Variants in MEGF11 observed in about 807,000 individuals in gnomAD.
The protein encoded by MEGF11 is multiple epidermal growth factor-like domains protein 11.
A neutral mutation model predicts 146.6 loss-of-function variants in MEGF11; 126 were observed. The ratio of observed to expected loss-of-function variants is 0.86; its 90% confidence interval spans 0.74 to 1.00. The LOEUF is 1.00. Among genes scored for constraint, MEGF11 ranks in the 50% least tolerant of loss-of-function variants. The pLI is 0.00. For synonymous variants in MEGF11, 532 were observed against 583.4 expected (o/e 0.91, Z 1.27); for missense variants, 1,509 against 1,521.2 (o/e 0.99, Z 0.13).
At chr15:65,951,781 T>C (rs970911949) in intron 10 of MEGF11, among the ~76,000 whole-genome samples, 6 of 151,560 alleles carry the variant, frequency 4.0e-5, no homozygotes, top group Admixed American at 2.0e-4. Context: ...AGAGGATTGC[T>C]TGGGGCCAGG....
intron 10 of MEGF11, among the ~76,000 whole-genome samples, chr15:65,946,766 T>A (rs980535397): frequency 6.6e-6 from 1 of 152,174 alleles, no homozygotes; most frequent in Non-Finnish European, 1.5e-5. Flanking sequence ...AGTACTGTTT[T>A]GTCACAACCC....
chr15:66,234,018 C>T (rs1205083974), intron 1 of MEGF11, among the ~76,000 whole-genome samples: 1 of 149,776 alleles, frequency 6.7e-6, no homozygotes, highest in East Asian at 2.0e-4. Flanking sequence ...TCACTGCAAC[C>T]TCCACCTCCC....
At chr15:66,048,841 G>T (rs1174576574) in intron 5 of MEGF11, among the ~76,000 whole-genome samples, 3 of 152,142 alleles carry the variant, frequency 2.0e-5, no homozygotes, top group African/African-American at 4.8e-5. Flanking sequence ...GAAATTTCTG[G>T]GGCCCTCTGC....
chr15:66,030,621 G>C (rs1448778847), intron 5 of MEGF11, among the ~76,000 whole-genome samples: 1 of 152,072 alleles, frequency 6.6e-6, no homozygotes, highest in Non-Finnish European at 1.5e-5. Flanking sequence ...TGTTGGCCAG[G>C]CTGGTCTCGA....
At chr15:66,035,991 C>T (rs191107261) in intron 5 of MEGF11, among the ~76,000 whole-genome samples, 14 of 152,364 alleles carry the variant, frequency 9.2e-5, no homozygotes, top group African/African-American at 3.4e-4. Flanking sequence ...CTCAGAGCAC[C>T]CCGCCAGTGG....
intron 4 of MEGF11, among the ~76,000 whole-genome samples, chr15:66,097,679 C>A (rs2086611526): frequency 6.6e-6 from 1 of 151,570 alleles, no homozygotes; most frequent in Non-Finnish European, 1.5e-5. Context: ...ACTCTCACCA[C>A]CCTGCTTCAG....
At chr15:66,088,129 G>T (rs2086184741) in intron 5 of MEGF11, among the ~76,000 whole-genome samples, 2 of 152,126 alleles carry the variant, frequency 1.3e-5, no homozygotes, top group South Asian at 2.1e-4. Flanking sequence ...AAATCAGGAA[G>T]AATTAGATAC....
chr15:66,182,608 A>T (rs1328996998), intron 1 of MEGF11, among the ~76,000 whole-genome samples: 1 of 152,212 alleles, frequency 6.6e-6, no homozygotes, highest in Non-Finnish European at 1.5e-5. Flanking sequence ...GCACTTCAGG[A>T]GCTCAAGGGG....
intron 5 of MEGF11, among the ~76,000 whole-genome samples, chr15:66,072,555 G>T (rs2085412402): frequency 6.6e-6 from 1 of 152,190 alleles, no homozygotes; most frequent in African/African-American, 2.4e-5. Flanking sequence ...ATCTAAAACA[G>T]GTACGCAGTA....
At chr15:66,104,595 T>A (rs532534570) in intron 4 of MEGF11, among the ~76,000 whole-genome samples, 1 of 152,226 alleles carries the variant, frequency 6.6e-6, no homozygotes, top group Non-Finnish European at 1.5e-5. Flanking sequence ...ACTTTGCCCA[T>A]TGGCTTCAAA....
Position 66,020,023 on chromosome 15 carries a change from G to A in MEGF11, c.395-37535C>T, listed in dbSNP as rs542313274. On this transcript the variant is annotated intron_variant, in intron 5 of 25. Coordinates refer to ENST00000395614, the MANE Select transcript of MEGF11 (RefSeq NM_001385028.1). ...TGTGATGGAGCTAAACCGGGGAGGG[G>A]ATAACGGGCAGCTGTTGTTTTGTCA... Among the ~76,000 whole-genome samples, 3 of 152,314 alleles carry A rather than the reference G, an allele frequency of 2.0e-5. No individual in the cohort carries two copies. In the East Asian group the frequency reaches 5.8e-4, roughly 29 times the overall value.
rs567593084 is a variant in MEGF11, at chr15:66,150,866, G to GAGAGAGAGAGAT, written c.-8-22456_-8-22455insATCTCTCTCTCT. Among the ~76,000 whole-genome samples, 55 of 122,482 alleles carry GAGAGAGAGAGAT rather than the reference G, an allele frequency of 4.5e-4. 1 individual carries two copies. The highest frequency in any genetic ancestry group is 1.1e-3 in the South Asian group (4 of 3,774). The allele number at this position is 122,482 out of a possible 152,430, so 80.4% of individuals were successfully genotyped here. On this transcript the variant is annotated intron_variant, in intron 1 of 25. Coordinates refer to ENST00000395614, the MANE Select transcript of MEGF11 (RefSeq NM_001385028.1). ...AGAGAGAGAGAGAGAGAGAGAGAGAGAGAGGAAAGAATTTTCCAAGGCCAC... is the reference window on the plus strand; with the variant it reads ...AGAGAGAGAGAGAGAGAGAGAGAGAGAGAGAGAGAGATAGAGGAAAGAATTTTCCAAGGCCAC...
chr15:66,009,678 C>T (rs1596985561), intron 5 of MEGF11, among the ~76,000 whole-genome samples: 1 of 151,616 alleles, frequency 6.6e-6, no homozygotes, highest in African/African-American at 2.4e-5. Flanking sequence ...CTGCAAGCTC[C>T]ACCTCCCGGG....
chr15:66,113,275 G>A (rs954412354), intron 4 of MEGF11, among the ~76,000 whole-genome samples: 3 of 152,082 alleles, frequency 2.0e-5, no homozygotes, highest in Non-Finnish European at 4.4e-5. Flanking sequence ...AAGCCAGCCG[G>A]GCCCATCAGC....
chr15:65,907,521 C>G (rs780945539), intron 23 of MEGF11, among the ~76,000 whole-genome samples: 2 of 152,166 alleles, frequency 1.3e-5, no homozygotes, highest in Non-Finnish European at 2.9e-5. Context: ...TCTTGAACTC[C>G]TGACGTCACG....
At chr15:66,095,436 G>A (rs1293222795) in intron 4 of MEGF11, among the ~76,000 whole-genome samples, 2 of 152,158 alleles carry the variant, frequency 1.3e-5, no homozygotes, top group Non-Finnish European at 2.9e-5. Context: ...GATCTAGATG[G>A]TTTTTTGTTT....
chr15:66,047,851 G>A (rs1018613105), intron 5 of MEGF11, among the ~76,000 whole-genome samples: 11 of 152,210 alleles, frequency 7.2e-5, no homozygotes, highest in African/African-American at 2.4e-4. Flanking sequence ...ATGCCCTCCC[G>A]TGGGGCAGAA....
At chr15:66,007,006 T>C (rs2253733) in intron 5 of MEGF11, among the ~76,000 whole-genome samples, 116,353 of 152,236 alleles carry the variant, frequency 0.76, 44,952 homozygotes, top group Non-Finnish European at 0.81. Flanking sequence ...TAGCCTGGTT[T>C]GAATTCTTCC....
chr15:66,237,958 T>A (rs1167438624), intron 1 of MEGF11, among the ~76,000 whole-genome samples: 1 of 152,242 alleles, frequency 6.6e-6, no homozygotes, highest in African/African-American at 2.4e-5. Context: ...CTATAGGATG[T>A]ATTTGCACGG....
Sources: gnomAD v4.1 joint callset for allele counts (sites outside exome capture counted in the v4.1 genomes callset) on GRCh38, gnomAD v4.1.1 for gene constraint, MANE v1.5 for transcripts, NCBI Gene and HGNC (gene_info 2026-07-23, HGNC 2026-07-21) for gene names.